Variants in GPC3 observed in about 807,000 individuals in gnomAD.
The protein encoded by GPC3 is glypican-3.
A neutral mutation model predicts 34.4 loss-of-function variants in GPC3; 3 were observed. The ratio of observed to expected loss-of-function variants is 0.09; its 90% CI spans 0.04 to 0.23. The LOEUF is 0.23. Among genes scored for constraint, GPC3 ranks in the 10% least tolerant of loss-of-function variants. The probability of loss-of-function intolerance (pLI) is 1.00; values close to 1 mark genes in which losing one functional copy is unlikely to be tolerated. For synonymous variants in GPC3, 177 were observed against 174.0 expected, an observed-to-expected ratio of 1.02 and a Z score of -0.13; for missense variants, 351 against 445.6, an observed-to-expected ratio of 0.79 and a Z score of 1.91.
chrX:133,821,927 C>G (rs1219795458), intron 2 of GPC3, among the ~76,000 whole-genome samples: 1 of 111,143 alleles, frequency 9.0e-6, no homozygotes, highest in Non-Finnish European at 1.9e-5. Context: ...ATCACTTGAC[C>G]CAGAAAACAG....
intron 3 of GPC3, among the ~76,000 whole-genome samples, chrX:133,748,987 G>A (rs2071634425): frequency 8.9e-6 from 1 of 111,881 alleles, no homozygotes; most frequent in Non-Finnish European, 1.9e-5. Flanking sequence ...TTTGGGCACG[G>A]TGGCTCACAC....
chrX:133,882,436 T>C (rs570465638), intron 2 of GPC3, among the ~76,000 whole-genome samples: 1 of 111,809 alleles, frequency 8.9e-6, no homozygotes, highest in Admixed American at 9.6e-5. Flanking sequence ...TCTTTAGAAA[T>C]AACCGTTTAG....
intron 2 of GPC3, among the ~76,000 whole-genome samples, chrX:133,869,705 T>C (rs2075985214): frequency 1.8e-5 from 2 of 111,995 alleles, no homozygotes; most frequent in Non-Finnish European, 3.8e-5. Context: ...CCCAGCACTT[T>C]GGGAGGCCGA....
intron 2 of GPC3, among the ~76,000 whole-genome samples, chrX:133,948,088 G>A (rs187833211): frequency 1.1e-3 from 122 of 110,758 alleles, no homozygotes; most frequent in African/African-American, 3.6e-3. Context: ...GAGAAAAATG[G>A]CTCAGTACTC....
At position 133,655,100 on chromosome X, in the gene GPC3, C is replaced by T. The variant is rs181183330; in HGVS notation, c.1413+6630G>A. 4.5e-5 allele frequency among the ~76,000 whole-genome samples: 5 copies of T among 111,256 alleles called. No homozygotes were observed. In the East Asian group the frequency reaches 1.4e-3, roughly 32 times the overall value. ...AAAATACATGACCTAATTTAAGTAC[C>T]TTTAATCCTGTGTATTCTAAATATA... On this transcript the variant is annotated intron_variant, in intron 6 of 7. Transcript: ENST00000370818.
chrX:133,653,154 T>A (rs950715782), intron 6 of GPC3, among the ~76,000 whole-genome samples: 14 of 112,321 alleles, frequency 1.2e-4, no homozygotes, highest in Non-Finnish European at 2.3e-4. Context: ...AAGCCTTTAA[T>A]GTTAGCTTTA....
intron 3 of GPC3, among the ~76,000 whole-genome samples, chrX:133,717,001 C>T (rs865979126): frequency 3.6e-5 from 4 of 110,555 alleles, no homozygotes; most frequent in African/African-American, 1.3e-4. Context: ...TGCTCTGTCG[C>T]CCAGGCTGGA....
At chrX:133,617,977 T>C (rs2070185365) in intron 6 of GPC3, among the ~76,000 whole-genome samples, 1 of 111,932 alleles carries the variant, frequency 8.9e-6, no homozygotes, top group African/African-American at 3.2e-5. Flanking sequence ...ATTTTGAAAA[T>C]ACTAAAAATT....
intron 2 of GPC3, among the ~76,000 whole-genome samples, chrX:133,775,417 C>T (rs2071969188): frequency 9.0e-6 from 1 of 111,202 alleles, no homozygotes; most frequent in Non-Finnish European, 1.9e-5. Context: ...TTGGGGAGGC[C>T]CCTGTAAGTT....
chrX:133,844,597 T>C (rs1465651465), intron 2 of GPC3, among the ~76,000 whole-genome samples: 1 of 111,280 alleles, frequency 9.0e-6, no homozygotes, highest in East Asian at 2.8e-4. Flanking sequence ...GTAAATCCAT[T>C]TTGCTTTCCA....
chrX:133,692,322 C>T, intron 5 of GPC3, 47 bp downstream of exon 5: 3 of 1,157,691 alleles, frequency 2.6e-6, no homozygotes, highest in Non-Finnish European at 3.5e-6. Flanking sequence ...AAACATATGA[C>T]AATTATTCCT....
intron 2 of GPC3, among the ~76,000 whole-genome samples, chrX:133,893,499 T>C (rs1270195959): frequency 1.8e-5 from 2 of 112,122 alleles, no homozygotes; most frequent in Non-Finnish European, 3.8e-5. Flanking sequence ...ATTTATGATT[T>C]ACTAATATTT....
intron 2 of GPC3, among the ~76,000 whole-genome samples, chrX:133,921,500 T>G (rs902179958): frequency 8.0e-5 from 9 of 112,635 alleles, no homozygotes; most frequent in Non-Finnish European, 1.5e-4. Context: ...TTCAAAGTGG[T>G]GCAGACAGGC....
At position 133,661,822 on chromosome X, in the gene GPC3, T is replaced by C; in HGVS notation, c.1321A>G (p.Met441Val). ...TCATGGAGATTGAACTGGTTTTTCA[T>C]TCCATTCCTTGCTGCCTTTTGGCTG... ...RYSQKAARNGMKNQFNLHELK... is the reference protein window; with the variant it reads ...RYSQKAARNGVKNQFNLHELK... Residue 441 changes from methionine to valine, a missense_variant, in exon 6 of 8, where the codon ATG becomes GTG. Coordinates refer to ENST00000370818, the MANE Select transcript of GPC3 (RefSeq NM_004484.4). 1 of 1,194,456 alleles carries C rather than the reference T, an allele frequency of 8.4e-7. No homozygotes were observed. Among genetic ancestry groups the C allele is most frequent in the Non-Finnish European group, 1.1e-6 (1 of 881,090 alleles).
chrX:133,557,183 A>C (rs1407181378), intron 7 of GPC3, among the ~76,000 whole-genome samples: 1 of 110,311 alleles, frequency 9.1e-6, no homozygotes, highest in Non-Finnish European at 1.9e-5. Context: ...AGTCCCAGCT[A>C]CTGGGGAGGC....
rs759135347 is a variant in GPC3, at chrX:133,714,786, C to T, written c.1033-14758G>A. On this transcript the variant is annotated intron_variant, in intron 3 of 7. Coordinates refer to ENST00000370818, the MANE Select transcript of GPC3 (RefSeq NM_004484.4). ...TGCAGCAATCCGAGAAGCATTTATT[C>T]AAGAAAATGGCTGAATGTCAGTAGG... is the stretch of plus-strand genomic sequence containing the variant. 2.7e-5 allele frequency among the ~76,000 whole-genome samples: 3 copies of T among 111,566 alleles called. No individual in the cohort carries two copies. The South Asian group carries it at 1.1e-3, about 42-fold the overall frequency.
intron 2 of GPC3, among the ~76,000 whole-genome samples, chrX:133,849,156 G>C (rs1299774879): frequency 1.1e-5 from 1 of 92,520 alleles, no homozygotes. Context: ...GTGCAGTGGC[G>C]CTACCTCGGC....
intron 7 of GPC3, among the ~76,000 whole-genome samples, chrX:133,591,467 G>A (rs1301963266): frequency 9.0e-6 from 1 of 111,639 alleles, no homozygotes; most frequent in African/African-American, 3.3e-5. Context: ...CATTTTTAAA[G>A]GGGGGCCCAA....
At chrX:133,743,150 GT>G (rs1244600715) in intron 3 of GPC3, among the ~76,000 whole-genome samples, 4 of 113,010 alleles carry the variant, frequency 3.5e-5, no homozygotes, top group African/African-American at 1.3e-4. Context: ...ACCTAGAACA[GT>G]GCTCAGCACT....
Sources: allele counts gnomAD v4.1 joint callset (sites outside exome capture counted in the v4.1 genomes callset), GRCh38; gene constraint gnomAD v4.1.1; transcripts MANE v1.5; gene names NCBI Gene and HGNC (gene_info 2026-07-23, HGNC 2026-07-21).